IQSEC1: variants seen among roughly 807,000 people sequenced by gnomAD.
IQSEC1 encodes IQ motif and Sec7 domain ArfGEF 1, also known as IQ motif and SEC7 domain-containing protein 1.
A neutral mutation model predicts 91.0 loss-of-function variants in IQSEC1; 31 were observed. That is an observed-to-expected ratio of 0.34 (90% CI 0.26 to 0.46). The LOEUF is 0.46. Among genes scored for constraint, IQSEC1 ranks in the 20% least tolerant of loss-of-function variants. The pLI is 1.00. For synonymous variants in IQSEC1, 699 were observed against 662.6 expected (o/e 1.05, Z -0.84); for missense variants, 1,388 against 1,575.6 (o/e 0.88, Z 2.02).
intron 2 of IQSEC1, among the ~76,000 whole-genome samples, chr3:13,149,474 G>A (rs563862975): frequency 3.9e-5 from 6 of 152,246 alleles, no homozygotes; most frequent in African/African-American, 7.2e-5. Context: ...AAATTCCCCC[G>A]AAGAGCAGAG....
chr3:13,244,657 C>T (rs536050358), intron 1 of IQSEC1, among the ~76,000 whole-genome samples: 1 of 152,224 alleles, frequency 6.6e-6, no homozygotes, highest in Non-Finnish European at 1.5e-5. Flanking sequence ...CTGATCCCCA[C>T]TCCCAGCCTC....
rs149823270 is a variant in IQSEC1 at position 13,009,537 on chromosome 3, C to T, written c.23+63455G>A. Among the ~76,000 whole-genome samples, 515 of 151,914 alleles carry T rather than the reference C, an allele frequency of 3.4e-3. 1 individual carries two copies. The highest frequency in any genetic ancestry group is 5.9e-3 in the Non-Finnish European group (403 of 67,968). On this transcript the variant is annotated intron_variant, in intron 1 of 13. Coordinates refer to ENST00000613206, the MANE Select transcript of IQSEC1 (RefSeq NM_001134382.3). Reference sequence around the variant, plus strand: ...TCCTGGGGTAACTCCCCCGGAAATGCCCCAGATGCCCGCAGCCCAAGTATA... The same window carrying T: ...TCCTGGGGTAACTCCCCCGGAAATGTCCCAGATGCCCGCAGCCCAAGTATA...
chr3:13,000,100 C>T (rs1404056938), intron 1 of IQSEC1, among the ~76,000 whole-genome samples: 1 of 152,122 alleles, frequency 6.6e-6, no homozygotes, highest in Non-Finnish European at 1.5e-5. Context: ...CCCTTGGTTT[C>T]CTCCATATAT....
chr3:13,113,891 A>G (rs1706293048), intron 2 of IQSEC1, among the ~76,000 whole-genome samples: 1 of 152,242 alleles, frequency 6.6e-6, no homozygotes, highest in Non-Finnish European at 1.5e-5. Flanking sequence ...GACTGGCTAA[A>G]ATGTGCTACA....
At chr3:13,040,076 C>G (rs909878965) in intron 1 of IQSEC1, among the ~76,000 whole-genome samples, 27 of 152,226 alleles carry the variant, frequency 1.8e-4, no homozygotes, top group Non-Finnish European at 7.3e-5. Flanking sequence ...TTCCCTGCCC[C>G]ACCTTCCTTT....
At chr3:13,210,827 C>T (rs1694430290) in intron 1 of IQSEC1, among the ~76,000 whole-genome samples, 2 of 152,136 alleles carry the variant, frequency 1.3e-5, no homozygotes, top group East Asian at 1.9e-4. Flanking sequence ...GGAGGCAGGC[C>T]CTGAGGCCTT....
intron 2 of IQSEC1, among the ~76,000 whole-genome samples, chr3:13,130,547 G>A (rs1004739489): frequency 6.6e-6 from 1 of 152,100 alleles, no homozygotes; most frequent in Admixed American, 6.5e-5. Context: ...GCTCTTGTTA[G>A]GTAGAGTGTT....
At chr3:13,281,108 C>T (rs900889038) in intron 1 of IQSEC1, among the ~76,000 whole-genome samples, 3 of 152,242 alleles carry the variant, frequency 2.0e-5, no homozygotes, top group South Asian at 2.1e-4. Flanking sequence ...TGCTGACCAA[C>T]GTGTCACTGC....
intron 1 of IQSEC1, among the ~76,000 whole-genome samples, chr3:13,062,836 G>A (rs1705113178): frequency 6.6e-6 from 1 of 152,174 alleles, no homozygotes; most frequent in Admixed American, 6.5e-5. Context: ...ACCATGCCAA[G>A]CAGATGTCAG....
intron 1 of IQSEC1, among the ~76,000 whole-genome samples, chr3:13,264,304 C>G (rs995434095): frequency 1.7e-4 from 26 of 152,216 alleles, no homozygotes; most frequent in Non-Finnish European, 3.2e-4. Flanking sequence ...TAGGCCCTGA[C>G]CTGCCCATGG....
chr3:12,922,585 C>T lies in IQSEC1; in HGVS notation c.1731-343G>A, dbSNP rs577848637. Among the ~76,000 whole-genome samples, 10 of 152,262 alleles carry T rather than the reference C, an allele frequency of 6.6e-5. No individual in the cohort carries two copies. The highest frequency in any genetic ancestry group is 5.2e-4 in the Admixed American group (8 of 15,302). Reference sequence around the variant, plus strand: ...CAGCCCTCACCAGGCACACAGTGGACGCCACTGTGAGTCTCCTCTCCTTCT... The same window carrying T: ...CAGCCCTCACCAGGCACACAGTGGATGCCACTGTGAGTCTCCTCTCCTTCT... On this transcript the variant is annotated intron_variant, in intron 4 of 13. Transcript: ENST00000613206. This position sits in a 1 kb window ranked among gnomAD's most constrained non-coding sequence, Gnocchi z 5.1.
intron 1 of IQSEC1, among the ~76,000 whole-genome samples, chr3:13,174,833 T>TCCCCCCCCCCC (rs754194155): frequency 1.8e-5 from 2 of 112,704 alleles, no homozygotes; most frequent in Admixed American, 8.8e-5. Flanking sequence ...GTCTTTCTGC[T>TCCCCCCCCCCC]CCCCCCCCCC....
intron 1 of IQSEC1, among the ~76,000 whole-genome samples, chr3:13,058,787 C>G (rs565363249): frequency 6.6e-6 from 1 of 152,226 alleles, no homozygotes; most frequent in Non-Finnish European, 1.5e-5. Context: ...GCGCAAGATG[C>G]TGTCACGACA....
chr3:12,933,137 G>A (rs967820902), intron 3 of IQSEC1, among the ~76,000 whole-genome samples: 1 of 152,258 alleles, frequency 6.6e-6, no homozygotes, highest in African/African-American at 2.4e-5. Flanking sequence ...ACCCCGCAGG[G>A]AGAGAAGTGG....
intron 1 of IQSEC1, among the ~76,000 whole-genome samples, chr3:13,038,793 A>T (rs1359126041): frequency 2.6e-5 from 4 of 152,206 alleles, no homozygotes; most frequent in Admixed American, 1.3e-4. Flanking sequence ...TTTGGAAAGC[A>T]AGCTCACTAA....
chr3:13,088,528 T>C (rs558809739), intron 2 of IQSEC1, among the ~76,000 whole-genome samples: 1 of 152,040 alleles, frequency 6.6e-6, no homozygotes, highest in East Asian at 1.9e-4. Flanking sequence ...CCCGCTCCTC[T>C]GAATGGCCTT....
At chr3:12,966,578 C>G (rs916077180) in intron 1 of IQSEC1, among the ~76,000 whole-genome samples, 1 of 152,086 alleles carries the variant, frequency 6.6e-6, no homozygotes, top group Admixed American at 6.5e-5. Flanking sequence ...AACACGGGCC[C>G]TTGGAAGCTC....
intron 1 of IQSEC1, among the ~76,000 whole-genome samples, chr3:13,225,603 C>T (rs1452970575): frequency 2.0e-5 from 3 of 152,204 alleles, no homozygotes; most frequent in Non-Finnish European, 4.4e-5. Flanking sequence ...GTGCTAGACA[C>T]AGGCTGGGAG....
At chr3:13,023,374 C>G (rs992906258) in intron 1 of IQSEC1, among the ~76,000 whole-genome samples, 34 of 152,246 alleles carry the variant, frequency 2.2e-4, no homozygotes, top group African/African-American at 7.9e-4. Flanking sequence ...AGGCAGGGCC[C>G]CCAGGGATAA....
Sources: allele counts gnomAD v4.1 joint callset (sites outside exome capture counted in the v4.1 genomes callset), GRCh38; gene constraint gnomAD v4.1.1; non-coding constraint Gnocchi (gnomAD v3.1); transcripts MANE v1.5; gene names NCBI Gene and HGNC (gene_info 2026-07-23, HGNC 2026-07-21).